The following DIAPH3 variants were observed in gnomAD, a reference collection of about 807,000 sequenced individuals.
DIAPH3 encodes diaphanous related formin 3.
A neutral mutation model predicts 144.3 loss-of-function variants in DIAPH3; 117 were observed. The ratio of observed to expected loss-of-function variants is 0.81; its 90% confidence interval spans 0.70 to 0.95. The LOEUF (loss-of-function observed/expected upper bound fraction) is 0.95. Among genes scored for constraint, DIAPH3 ranks in the 40% least tolerant of loss-of-function variants. The pLI is 0.00. For missense variants in DIAPH3, 1,421 were observed against 1,412.7 expected (o/e 1.01, Z -0.09); for synonymous variants, 519 against 488.9 (o/e 1.06, Z -0.81).
At chr13:60,074,759 C>T (rs1452712006) in intron 4 of DIAPH3, among the ~76,000 whole-genome samples, 4 of 152,086 alleles carry the variant, frequency 2.6e-5, no homozygotes, top group Non-Finnish European at 4.4e-5. Context: ...TTGGTTCATA[C>T]TATACATATG....
Position 59,666,599 on chromosome 13 carries a change from T to C in DIAPH3, c.3567A>G (p.Arg1189=), listed in dbSNP as rs1410976733. The C allele has an allele frequency of 1.9e-6, 3 of 1,614,004 alleles. No individual in the cohort carries two copies. The highest frequency in any genetic ancestry group is 2.5e-6 in the Non-Finnish European group (3 of 1,179,986). Residue 1189 remains arginine (R), a synonymous_variant, in exon 28 of 28, where the codon AGA becomes AGG. Coordinates refer to ENST00000400324, the MANE Select transcript of DIAPH3 (RefSeq NM_001042517.2). ...SVPEVEALLA[R]LRAL ...CCAGTTTAACTTATAAAGCTCGTAA[T>C]CTTGCCAGCAGGGCTTCAACTTCGG...
intron 17 of DIAPH3, 121 bp downstream of exon 17, chr13:59,969,823 A>G (rs781687790): frequency 8.9e-6 from 5 of 562,806 alleles, no homozygotes; most frequent in South Asian, 7.9e-5. Context: ...TTTGCCCATT[A>G]GGAATGTAAA....
rs142154613 is a variant in DIAPH3 at position 59,993,431 on chromosome 13, G to GACT, written c.1015-851_1015-849dup. On this transcript the variant is annotated intron_variant, in intron 9 of 27. Coordinates refer to ENST00000400324, the MANE Select transcript of DIAPH3 (RefSeq NM_001042517.2). ...TATCCAAGTCTAGCAAGAACTACTG[G>GACT]ACTACTGATCAATATGTTTAACCTC... 8.0e-3 allele frequency among the ~76,000 whole-genome samples: 1,216 copies of GACT among 151,654 alleles called. 6 individuals carry two copies. Among genetic ancestry groups the GACT allele is most frequent in the Non-Finnish European group, 0.011 (730 of 67,772 alleles).
intron 21 of DIAPH3, among the ~76,000 whole-genome samples, chr13:59,866,075 A>AAATTTTGT (rs2043901685): frequency 6.6e-6 from 1 of 151,966 alleles, no homozygotes. Flanking sequence ...AAATTCTGAA[A>AAATTTTGT]AATCTTGTAA....
intron 17 of DIAPH3, among the ~76,000 whole-genome samples, chr13:59,959,656 A>T (rs928042602): frequency 1.3e-5 from 2 of 152,190 alleles, no homozygotes; most frequent in Non-Finnish European, 2.9e-5. Flanking sequence ...CAAGCTGAGG[A>T]ATGTGGGTGG....
intron 1 of DIAPH3, among the ~76,000 whole-genome samples, chr13:60,160,785 G>GT (rs1453241177): frequency 1.2e-4 from 19 of 152,180 alleles, no homozygotes. Context: ...GACCAAGTTG[G>GT]TTAATTCACA....
At position 60,015,003 on chromosome 13, in the gene DIAPH3, TGTTTTGTTTA is replaced by T. The variant is rs1371576553; in HGVS notation, c.771+900_771+909del. On this transcript the variant is annotated intron_variant, in intron 7 of 27. Transcript: ENST00000400324. ...TGTTTTGTTTTGTTTTGTTTTGTTT[TGTTTTGTTTA>T]AGGACAGGGATTCACTTTGTCTCCC... Among the ~76,000 whole-genome samples the T allele has an allele frequency of 1.4e-4, 21 of 152,104 alleles. 1 individual carries two copies. The highest frequency in any genetic ancestry group is 2.6e-4 in the Admixed American group (4 of 15,262).
intron 27 of DIAPH3, among the ~76,000 whole-genome samples, chr13:59,745,290 A>G (rs1711753368): frequency 6.6e-6 from 1 of 152,332 alleles, no homozygotes; most frequent in African/African-American, 2.4e-5. Flanking sequence ...GAATTGTTTA[A>G]CCTAGAGGTT....
intron 14 of DIAPH3, 45 bp from the exon 15 acceptor site, chr13:59,974,501 G>A (rs1228858163): frequency 6.9e-7 from 1 of 1,451,620 alleles, no homozygotes; most frequent in African/African-American, 1.4e-5. Flanking sequence ...AGATGAAAAT[G>A]AAAAGCACTA....
At chr13:59,895,439 A>C (rs1247968772) in intron 20 of DIAPH3, among the ~76,000 whole-genome samples, 2 of 146,136 alleles carry the variant, frequency 1.4e-5, no homozygotes, top group Non-Finnish European at 3.0e-5. Context: ...GGAAAAAAAA[A>C]AAAACAAAAA....
At chr13:59,969,799 C>T in intron 17 of DIAPH3, 145 bp downstream of exon 17, 1 of 457,138 alleles carries the variant, frequency 2.2e-6, no homozygotes, top group Non-Finnish European at 3.9e-6. Context: ...CACTTTATTT[C>T]ATTATACCAT....
At position 59,974,365 on chromosome 13, in the gene DIAPH3, G is replaced by A. The variant is rs775451884; in HGVS notation, c.1637C>T (p.Ala546Val). Reference sequence around the variant, plus strand: ...GTGGAATTTTACCTGAGACTTAAAAGCTTGTAGCTCTGCTTGAAGCTCATT... The same window carrying A: ...GTGGAATTTTACCTGAGACTTAAAAACTTGTAGCTCTGCTTGAAGCTCATT... ...KINELQAELQAFKSQFGALPA... is the reference protein window; with the variant it reads ...KINELQAELQVFKSQFGALPA... Residue 546 changes from alanine (A) to valine (V), a missense_variant, in exon 15 of 28, where the codon GCT (alanine) becomes GTT (valine). Ala to Val is a moderately conservative substitution (Grantham distance 64). Transcript: ENST00000400324. The A allele has an allele frequency of 6.2e-7, 1 of 1,611,750 alleles. No individual in the cohort carries two copies. The highest frequency in any genetic ancestry group is 1.7e-5 in the Admixed American group (1 of 59,846).
intron 27 of DIAPH3, among the ~76,000 whole-genome samples, chr13:59,707,113 G>A (rs1234148693): frequency 6.6e-6 from 1 of 152,080 alleles, no homozygotes; most frequent in Non-Finnish European, 1.5e-5. Context: ...TTCATTACAC[G>A]AAAAAAGTGA....
chr13:60,042,784 C>A lies in DIAPH3; in HGVS notation c.532G>T (p.Glu178Ter). The stretch of plus-strand genomic sequence containing the variant: ...CCCATTTTCAGCTCATGAATGAATT[C>A]CTGAGGTGAGATCTGTCGGCTTCTC... ...LKRSRQISPQ[E>*]FIHELKMGSA... The change falls in exon 5 of 28, where the codon GAA (glutamate) becomes TAA (stop). Residue 178 changes from glutamate to a stop codon, truncating the protein, a stop_gained. Coordinates refer to ENST00000400324, the MANE Select transcript of DIAPH3 (RefSeq NM_001042517.2). LOFTEE classifies it high-confidence loss of function. 1 of 1,613,634 alleles carries A rather than the reference C, an allele frequency of 6.2e-7. No homozygotes were observed. Among genetic ancestry groups the A allele is most frequent in the Middle Eastern group, 1.7e-4 (1 of 6,058 alleles).
chr13:59,908,137 G>A (rs954076264), intron 20 of DIAPH3, among the ~76,000 whole-genome samples: 10 of 151,740 alleles, frequency 6.6e-5, no homozygotes, highest in African/African-American at 2.4e-4. Context: ...TTGGGAGATC[G>A]AGGTGGGCAG....
chr13:59,732,383 A>ATATTTATAAT (rs2035931278), intron 27 of DIAPH3, among the ~76,000 whole-genome samples: 1 of 150,952 alleles, frequency 6.6e-6, no homozygotes, highest in African/African-American at 2.4e-5. Flanking sequence ...AATATGCTTA[A>ATATTTATAAT]TTGTTTTGTC....
chr13:59,813,492 T>G (rs2040597830), intron 24 of DIAPH3, among the ~76,000 whole-genome samples: 1 of 152,132 alleles, frequency 6.6e-6, no homozygotes, highest in Non-Finnish European at 1.5e-5. Context: ...TCAGTGGTTT[T>G]CCACCATATT....
chr13:59,715,838 C>T (rs565514548), intron 27 of DIAPH3, among the ~76,000 whole-genome samples: 3 of 152,116 alleles, frequency 2.0e-5, no homozygotes, highest in South Asian at 2.1e-4. Context: ...TGTGAGATTA[C>T]GTAAGTGAAA....
chr13:60,012,373 C>T (rs1235496938), intron 7 of DIAPH3, among the ~76,000 whole-genome samples: 5 of 152,236 alleles, frequency 3.3e-5, no homozygotes, highest in East Asian at 1.9e-4. Flanking sequence ...TACAACAAGA[C>T]AGCTAAACAG....
Sources: allele counts gnomAD v4.1 joint callset (sites outside exome capture counted in the v4.1 genomes callset), GRCh38; gene constraint gnomAD v4.1.1; transcripts MANE v1.5; gene names NCBI Gene and HGNC (gene_info 2026-07-23, HGNC 2026-07-21).